GRHL2: variants seen among roughly 807,000 people sequenced by gnomAD.
GRHL2 encodes the protein grainyhead like transcription factor 2.
A neutral mutation model predicts 83.8 loss-of-function variants in GRHL2; 21 were observed. The observed-to-expected ratio is 0.25, with a 90% CI of 0.18 to 0.36. The LOEUF (loss-of-function observed/expected upper bound fraction) is 0.36. Among genes scored for constraint, GRHL2 ranks in the 10% least tolerant of loss-of-function variants. The probability of loss-of-function intolerance (pLI) is 1.00; values close to 1 mark genes in which losing one functional copy is unlikely to be tolerated. For synonymous variants in GRHL2, 280 were observed against 278.9 expected, an observed-to-expected ratio of 1.00 and a Z score of -0.04; for missense variants, 623 against 781.8, an observed-to-expected ratio of 0.80 and a Z score of 2.42.
chr8:101,634,283 G>A (rs1203213752), intron 11 of GRHL2, among the ~76,000 whole-genome samples: 1 of 152,188 alleles, frequency 6.6e-6, no homozygotes, highest in Non-Finnish European at 1.5e-5. Flanking sequence ...ACACTCAGCT[G>A]TCCCTAGAAC....
the GRHL2 span, among the ~76,000 whole-genome samples, chr8:101,680,522 CAG>C: frequency 8.0e-6 from 1 of 124,542 alleles, no homozygotes; most frequent in Non-Finnish European, 1.6e-5. Context: ...ATCAATGAGA[CAG>C]AAAGTTAACA....
intron 8 of GRHL2, among the ~76,000 whole-genome samples, chr8:101,599,950 C>A (rs1387594016): frequency 2.0e-5 from 3 of 152,160 alleles, no homozygotes; most frequent in African/African-American, 7.2e-5. Context: ...CAGATGAAAC[C>A]TAAGCTTGTT....
chr8:101,651,193 C>A (rs1196811770), intron 14 of GRHL2, among the ~76,000 whole-genome samples: 2 of 152,160 alleles, frequency 1.3e-5, no homozygotes, highest in Non-Finnish European at 2.9e-5. Flanking sequence ...ATATTCAGAC[C>A]TCTCTGGACA....
chr8:101,526,525 C>CTTTTTTTTTT (rs33928032), intron 1 of GRHL2, among the ~76,000 whole-genome samples: 3 of 109,658 alleles, frequency 2.7e-5, no homozygotes, highest in African/African-American at 3.7e-5. Context: ...TCTTTTTTTC[C>CTTTTTTTTTT]TTTTTTTTTT....
chr8:101,666,551 C>A (rs370794164), intron 15 of GRHL2, 38 bp from the exon 16 acceptor site: 75 of 1,211,894 alleles, frequency 6.2e-5, no homozygotes, highest in Non-Finnish European at 8.2e-5. Flanking sequence ...TTGTTCACGG[C>A]GTCTTTGTTT....
At chr8:101,657,340 T>C (rs1813814622) in intron 14 of GRHL2, among the ~76,000 whole-genome samples, 1 of 152,148 alleles carries the variant, frequency 6.6e-6, no homozygotes, top group Non-Finnish European at 1.5e-5. Flanking sequence ...GTACATGAGG[T>C]TTTTGGGCAA....
chr8:101,492,653 G>A lies in GRHL2; in HGVS notation c.-117G>A. ...GGACGGAAAAGCAGAATTACCTGTA[G>A]CTCTTGTTCTGCCATCTCGGGCGCT... On this transcript the variant is annotated 5_prime_UTR_variant, in exon 1 of 16. Coordinates refer to ENST00000646743, the MANE Select transcript of GRHL2 (RefSeq NM_024915.4). The A allele has an allele frequency of 1.2e-6, 1 of 839,204 alleles. No homozygotes were observed. The highest frequency in any genetic ancestry group is 1.7e-5 in the African/African-American group (1 of 60,346). 52.0% of individuals were successfully genotyped at this position (839,204 alleles called of 1,614,324 possible). A position where few individuals can be genotyped will look rare whatever the true frequency, so the allele number is the denominator to read the frequency against.
At chr8:101,548,339 C>G (rs1034355207) in intron 2 of GRHL2, among the ~76,000 whole-genome samples, 1 of 152,188 alleles carries the variant, frequency 6.6e-6, no homozygotes, top group Non-Finnish European at 1.5e-5. Context: ...AAACCTATAA[C>G]CATGGTTTAT....
At chr8:101,507,681 A>G (rs1005136180) in intron 1 of GRHL2, among the ~76,000 whole-genome samples, 2 of 152,090 alleles carry the variant, frequency 1.3e-5, no homozygotes, top group Admixed American at 1.3e-4. Flanking sequence ...CACTGGGTAA[A>G]AATATCCAAA....
chr8:101,527,142 C>G (rs1404362009), intron 1 of GRHL2, among the ~76,000 whole-genome samples: 2 of 152,124 alleles, frequency 1.3e-5, no homozygotes, highest in East Asian at 1.9e-4. Flanking sequence ...ACTCATAAAC[C>G]CTTGAAAGTA....
At chr8:101,653,781 C>T (rs1255633468) in intron 14 of GRHL2, among the ~76,000 whole-genome samples, 3 of 152,014 alleles carry the variant, frequency 2.0e-5, no homozygotes, top group African/African-American at 7.3e-5. Flanking sequence ...TCCCAGAACC[C>T]CACCCATGAT....
intron 1 of GRHL2, among the ~76,000 whole-genome samples, chr8:101,516,011 GCAGC>G (rs1354222687): frequency 6.6e-6 from 1 of 152,190 alleles, no homozygotes; most frequent in Non-Finnish European, 1.5e-5. Context: ...GGGCTGACAG[GCAGC>G]AGAGATGGAA....
chr8:101,558,137 T>G (rs1183945341), intron 3 of GRHL2, among the ~76,000 whole-genome samples: 1 of 152,194 alleles, frequency 6.6e-6, no homozygotes, highest in Admixed American at 6.5e-5. Context: ...AGTACTGGGA[T>G]TACAGGCATG....
intron 7 of GRHL2, among the ~76,000 whole-genome samples, chr8:101,588,749 G>T (rs930079205): frequency 6.6e-6 from 1 of 152,204 alleles, no homozygotes; most frequent in African/African-American, 2.4e-5. Flanking sequence ...TATTCAGTCT[G>T]CAACTCTGAA....
chr8:101,673,074 A>T (rs899693466), downstream of GRHL2, among the ~76,000 whole-genome samples: 4 of 151,152 alleles, frequency 2.6e-5, no homozygotes, highest in Non-Finnish European at 5.9e-5. Flanking sequence ...GGAAAGGAAC[A>T]ACCGGTACCA....
Position 101,558,441 on chromosome 8 carries a change from G to A in GRHL2, c.307G>A (p.Ala103Thr). The change falls in exon 4 of 16, where the codon GCC (alanine) becomes ACC (threonine). Residue 103 changes from alanine (A) to threonine (T), a missense_variant. Ala to Thr is a moderately conservative substitution (Grantham distance 58, BLOSUM62 0). This residue lies in a region of GRHL2 where 239 missense variants were observed against 240.5 expected (regional missense o/e 0.99). Coordinates refer to ENST00000646743, the MANE Select transcript of GRHL2 (RefSeq NM_024915.4). Reference protein sequence around the residue: ...EKRNCLGTSEAQSNLSGGENR... With the variant: ...EKRNCLGTSETQSNLSGGENR... ...CAGAAACTGCCTTGGCACCAGTGAA[G>A]CCCAGAGTAATTTGAGTGGAGGAGA... is the stretch of plus-strand genomic sequence containing the variant. 1 of 1,614,154 alleles carries A rather than the reference G, an allele frequency of 6.2e-7. No individual in the cohort carries two copies. Among genetic ancestry groups the A allele is most frequent in the Non-Finnish European group, 8.5e-7 (1 of 1,180,034 alleles).
intron 8 of GRHL2, among the ~76,000 whole-genome samples, chr8:101,618,288 A>T (rs1812894860): frequency 6.6e-6 from 1 of 152,312 alleles, no homozygotes; most frequent in African/African-American, 2.4e-5. Context: ...TAATAAAATA[A>T]TTATTTTTAG....
At chr8:101,512,638 C>G (rs140479843) in intron 1 of GRHL2, among the ~76,000 whole-genome samples, 1 of 152,276 alleles carries the variant, frequency 6.6e-6, no homozygotes, top group African/African-American at 2.4e-5. Context: ...CGATGCCTGA[C>G]TAATTTTTGT....
chr8:101,630,453 T>C (rs931661857), intron 9 of GRHL2, among the ~76,000 whole-genome samples: 1 of 152,248 alleles, frequency 6.6e-6, no homozygotes, highest in African/African-American at 2.4e-5. Context: ...TTATGTGATA[T>C]TTTATTGCAA....
Sources: gnomAD v4.1 joint callset for allele counts (sites outside exome capture counted in the v4.1 genomes callset) on GRCh38, gnomAD v4.1.1 for gene constraint, gnomAD v4.1.1 regional missense constraint, MANE v1.5 for transcripts, NCBI Gene and HGNC (gene_info 2026-07-23, HGNC 2026-07-21) for gene names.